The following CAST variants were observed in gnomAD, a reference collection of about 807,000 sequenced individuals.
CAST encodes MIR583 host.
In CAST, 76 loss-of-function variants were observed where a neutral mutation model predicts 119.6. The ratio of observed to expected loss-of-function variants is 0.64; its 90% CI spans 0.53 to 0.77. The LOEUF (loss-of-function observed/expected upper bound fraction) is 0.77, where lower values mean the gene tolerates loss of function less well. Ranked by LOEUF, CAST falls within the 30% of genes least tolerant of loss-of-function variation. The probability of loss-of-function intolerance (pLI) is 0.00; values close to 1 mark genes in which losing one functional copy is unlikely to be tolerated. For synonymous variants in CAST, 319 were observed against 331.6 expected (o/e 0.96, Z 0.41); for missense variants, 953 against 946.5 (o/e 1.01, Z -0.09).
chr5:96,239,514 T>C, the CAST span, among the ~76,000 whole-genome samples: 1 of 152,102 alleles, frequency 6.6e-6, no homozygotes, highest in Non-Finnish European at 1.5e-5. Context: ...TTGCTTTTTT[T>C]CTACCTGCAT....
the CAST span, among the ~76,000 whole-genome samples, chr5:96,019,924 C>T: frequency 1.6e-4 from 24 of 152,074 alleles, no homozygotes; most frequent in Non-Finnish European, 2.2e-4. Flanking sequence ...TAATGTTTAC[C>T]GCTTATTAAG....
At chr5:96,632,599 G>A (rs1013467296) in intron 1 of CAST, among the ~76,000 whole-genome samples, 1 of 151,602 alleles carries the variant, frequency 6.6e-6, no homozygotes, top group Non-Finnish European at 1.5e-5. Context: ...TTGATCTTTT[G>A]AGTTTTATAT....
At chr5:96,547,343 A>T (rs1469911299) in intron 1 of CAST, among the ~76,000 whole-genome samples, 1 of 152,214 alleles carries the variant, frequency 6.6e-6, no homozygotes, top group Non-Finnish European at 1.5e-5. Context: ...TCCAGGCTGA[A>T]GGCATAAGAA....
chr5:96,717,742 T>A (rs934045761), intron 3 of CAST, among the ~76,000 whole-genome samples: 2 of 152,102 alleles, frequency 1.3e-5, no homozygotes, highest in Admixed American at 6.5e-5. Flanking sequence ...GACACCTTCA[T>A]GGTTAGAGGG....
the CAST span, among the ~76,000 whole-genome samples, chr5:96,179,348 C>T: frequency 6.6e-6 from 1 of 152,186 alleles, no homozygotes; most frequent in Non-Finnish European, 1.5e-5. Flanking sequence ...TCTCTCTGTC[C>T]TTTCTTCTCC....
At chr5:96,525,289 A>G (rs1392008760), upstream of CAST, 2 of 152,236 alleles carry the variant, frequency 1.3e-5, no homozygotes, top group Non-Finnish European at 2.9e-5. Flanking sequence ...GTTGGGGTGC[A>G]GATGGAGGGA....
intron 3 of CAST, among the ~76,000 whole-genome samples, chr5:96,706,432 G>A (rs1754994727): frequency 6.6e-6 from 1 of 152,158 alleles, no homozygotes; most frequent in South Asian, 2.1e-4. Context: ...GTGCTGTCAC[G>A]ATACTGTAAA....
At chr5:95,962,116 G>C in the CAST span, 1 of 372,966 alleles carries the variant, frequency 2.7e-6, no homozygotes, top group Non-Finnish European at 4.8e-6. Flanking sequence ...AGCCGGCCGA[G>C]ATTGGCCAGG....
At chr5:96,442,206 C>T in the CAST span, among the ~76,000 whole-genome samples, 1 of 152,214 alleles carries the variant, frequency 6.6e-6, no homozygotes, top group Non-Finnish European at 1.5e-5. Flanking sequence ...TTTGAGTCCT[C>T]TCTACCCCTT....
the CAST span, among the ~76,000 whole-genome samples, chr5:96,127,930 G>A: frequency 6.6e-6 from 1 of 152,070 alleles, no homozygotes; most frequent in South Asian, 2.1e-4. Context: ...GCATTTACAT[G>A]TTAACTTCAG....
the CAST span, among the ~76,000 whole-genome samples, chr5:96,173,665 A>C: frequency 9.7e-4 from 147 of 152,262 alleles, 1 homozygote; most frequent in African/African-American, 3.4e-3. Context: ...TGAACATAAA[A>C]CATTCTGTTT....
the CAST span, among the ~76,000 whole-genome samples, chr5:96,418,616 A>T: frequency 6.6e-6 from 1 of 152,236 alleles, no homozygotes; most frequent in Non-Finnish European, 1.5e-5. Context: ...GTTTGAAGAG[A>T]TAATAACCTT....
At chr5:96,405,993 T>C in the CAST span, among the ~76,000 whole-genome samples, 2 of 152,168 alleles carry the variant, frequency 1.3e-5, no homozygotes, top group Non-Finnish European at 2.9e-5. Flanking sequence ...AAATCTTAAA[T>C]ATAATAAGTC....
chr5:96,115,045 A>G, the CAST span, among the ~76,000 whole-genome samples: 2 of 152,238 alleles, frequency 1.3e-5, no homozygotes, highest in African/African-American at 4.8e-5. Flanking sequence ...CATGTAAAAT[A>G]TATAGATAGC....
chr5:96,408,710 C>G, the CAST span, among the ~76,000 whole-genome samples: 1 of 152,240 alleles, frequency 6.6e-6, no homozygotes, highest in Non-Finnish European at 1.5e-5. Context: ...GAAATTCTGT[C>G]TCATACAAAA....
chr5:96,453,560 C>T, the CAST span, among the ~76,000 whole-genome samples: 1 of 152,170 alleles, frequency 6.6e-6, no homozygotes, highest in African/African-American at 2.4e-5. Context: ...GTGTGTCAGG[C>T]ATTACCATCG....
At chr5:96,740,395 A>G (rs1762427837) in intron 12 of CAST, among the ~76,000 whole-genome samples, 1 of 152,108 alleles carries the variant, frequency 6.6e-6, no homozygotes, top group Admixed American at 6.5e-5. Context: ...GCTGTGAGGG[A>G]AAGGTATCTT....
chr5:96,585,725 G>T (rs2150190327), intron 1 of CAST, among the ~76,000 whole-genome samples: 1 of 152,154 alleles, frequency 6.6e-6, no homozygotes, highest in Admixed American at 6.5e-5. Flanking sequence ...AATCTGCCAA[G>T]GACCAGAAAC....
At chr5:96,617,006 T>C (rs1747471301) in intron 1 of CAST, among the ~76,000 whole-genome samples, 1 of 152,164 alleles carries the variant, frequency 6.6e-6, no homozygotes, top group African/African-American at 2.4e-5. Flanking sequence ...ACCTTTCTTA[T>C]GGCTCTGTCT....
Sources: gnomAD v4.1 joint callset for allele counts (sites outside exome capture counted in the v4.1 genomes callset) on GRCh38, gnomAD v4.1.1 for gene constraint, MANE v1.5 for transcripts, NCBI Gene and HGNC (gene_info 2026-07-23, HGNC 2026-07-21) for gene names.